The following TEX14 variants were observed in gnomAD, a reference collection of about 807,000 sequenced individuals.
TEX14 encodes testis expressed 14, intercellular bridge forming factor.
TEX14 carries 168 observed loss-of-function variants against 178.6 expected under a neutral mutation model. The ratio of observed to expected loss-of-function variants is 0.94; its 90% confidence interval spans 0.83 to 1.07. TEX14 has a LOEUF of 1.07. Among genes scored for constraint, TEX14 ranks in the 50% least tolerant of loss-of-function variants. The pLI, the probability that TEX14 is intolerant of heterozygous loss-of-function variation, is 0.00. For synonymous variants in TEX14, 626 were observed against 634.1 expected, an observed-to-expected ratio of 0.99 and a Z score of 0.19; for missense variants, 1,730 against 1,753.6, an observed-to-expected ratio of 0.99 and a Z score of 0.24.
At chr17:58,568,178 C>T (rs1450133848) in intron 26 of TEX14, among the ~76,000 whole-genome samples, 1 of 152,148 alleles carries the variant, frequency 6.6e-6, no homozygotes, top group Admixed American at 6.5e-5. Context: ...GAGCCTGACC[C>T]AACAACCCTG....
chr17:58,564,667 T>C (rs1432510069), intron 28 of TEX14, among the ~76,000 whole-genome samples: 1 of 152,220 alleles, frequency 6.6e-6, no homozygotes, highest in Non-Finnish European at 1.5e-5. Flanking sequence ...TTTTGTTATA[T>C]ACATTGTATC....
At position 58,653,126 on chromosome 17, in the gene TEX14, C is replaced by T. The variant is rs572044323; in HGVS notation, c.-1-1124G>A. Among the ~76,000 whole-genome samples the T allele has an allele frequency of 2.3e-4, 35 of 152,132 alleles. 1 individual carries two copies. In the South Asian group the frequency reaches 6.8e-3, roughly 30 times the overall value. ...TAATTTTTTGTATTTTTAGTAGAGACGAGGTTTCACCATGTTGGACAGAAT... is the reference window on the plus strand; with the variant it reads ...TAATTTTTTGTATTTTTAGTAGAGATGAGGTTTCACCATGTTGGACAGAAT... On this transcript the variant is annotated intron_variant, in intron 1 of 31. Coordinates refer to ENST00000349033, the MANE Select transcript of TEX14 (RefSeq NM_031272.5).
chr17:58,557,229 C>T (rs2044154681), intron 31 of TEX14, among the ~76,000 whole-genome samples, 182 bp from the exon 32 acceptor site: 1 of 151,638 alleles, frequency 6.6e-6, no homozygotes, highest in Non-Finnish European at 1.5e-5. Context: ...GACTACAGAG[C>T]AATTGACAGC....
At chr17:58,617,206 G>A (rs529980740) in intron 6 of TEX14, among the ~76,000 whole-genome samples, 15 of 152,102 alleles carry the variant, frequency 9.9e-5, no homozygotes, top group Admixed American at 6.5e-4. Context: ...AGCCAAGATC[G>A]CGCCACTGCA....
intron 3 of TEX14, among the ~76,000 whole-genome samples, chr17:58,625,969 C>G (rs535709787): frequency 8.1e-4 from 122 of 151,490 alleles, no homozygotes; most frequent in African/African-American, 2.7e-3. Context: ...AGGATGGTCT[C>G]GATCTCCTGA....
intron 29 of TEX14, among the ~76,000 whole-genome samples, chr17:58,560,343 T>C (rs571144322): frequency 5.3e-5 from 8 of 152,304 alleles, no homozygotes; most frequent in African/African-American, 1.4e-4. Context: ...TTCCCACTAA[T>C]AGAATCACAG....
chr17:58,585,749 C>T lies in TEX14; in HGVS notation c.3070+52G>A, dbSNP rs1334959962. 9 of 1,592,656 alleles carry T rather than the reference C, an allele frequency of 5.7e-6. No homozygotes were observed. The East Asian group carries it at 6.7e-5, about 12-fold the overall frequency. ...GAATTACAGGCTGAGCCACCTCGCCCGACTGATACTTGATTGAGTTCACCT... is the reference window on the plus strand; with the variant it reads ...GAATTACAGGCTGAGCCACCTCGCCTGACTGATACTTGATTGAGTTCACCT... On this transcript the variant is annotated intron_variant, in intron 18 of 31. Transcript: ENST00000349033.
chr17:58,656,119 G>A (rs757681546), intron 1 of TEX14, among the ~76,000 whole-genome samples: 10 of 151,726 alleles, frequency 6.6e-5, no homozygotes, highest in Admixed American at 6.6e-5. Context: ...TGGGCAACAC[G>A]GCGAAATGCT....
chr17:58,579,643 A>G, intron 20 of TEX14, 22 bp downstream of exon 20: 2 of 1,597,824 alleles, frequency 1.3e-6, no homozygotes, highest in Non-Finnish European at 1.7e-6. Flanking sequence ...TTCTCAAGGA[A>G]TCTTCCCTAA....
chr17:58,619,372 C>T (rs1320575288), intron 5 of TEX14, among the ~76,000 whole-genome samples: 1 of 152,238 alleles, frequency 6.6e-6, no homozygotes, highest in African/African-American at 2.4e-5. Context: ...CTACAGCCAT[C>T]TGTCCTCAAC....
At chr17:58,599,755 TCA>T in intron 13 of TEX14, 89 bp from the exon 14 acceptor site, 1 of 950,980 alleles carries the variant, frequency 1.1e-6, no homozygotes, top group Non-Finnish European at 1.5e-6. Context: ...GCAAAGACTG[TCA>T]AAAAAAAAAA....
At chr17:58,586,839 C>T (rs952193365) in intron 17 of TEX14, among the ~76,000 whole-genome samples, 8 of 151,952 alleles carry the variant, frequency 5.3e-5, no homozygotes, top group Non-Finnish European at 1.0e-4. Context: ...GTCCGGTTTC[C>T]TCCCACATCC....
chr17:58,659,305 T>C (rs544072508), intron 1 of TEX14: 21 of 972,916 alleles, frequency 2.2e-5, no homozygotes, highest in East Asian at 1.1e-4. Context: ...CACAAAGACA[T>C]TATTTACTTA....
At chr17:58,646,339 A>C (rs1380494818) in intron 2 of TEX14, among the ~76,000 whole-genome samples, 2 of 152,206 alleles carry the variant, frequency 1.3e-5, no homozygotes, top group Non-Finnish European at 2.9e-5. Flanking sequence ...CCAATAGCCC[A>C]CAAGGCTCTG....
intron 1 of TEX14, among the ~76,000 whole-genome samples, chr17:58,655,245 G>A (rs187427946): frequency 7.9e-5 from 12 of 151,786 alleles, no homozygotes; most frequent in African/African-American, 2.4e-4. Context: ...GTGCAGGGGC[G>A]CAATCTCAGC....
intron 15 of TEX14, among the ~76,000 whole-genome samples, chr17:58,589,987 G>C (rs1455318117): frequency 6.6e-6 from 1 of 152,142 alleles, no homozygotes; most frequent in East Asian, 1.9e-4. Flanking sequence ...GATTGGCCAG[G>C]CGTGGTGGCT....
At chr17:58,584,379 A>G (rs2044900031) in intron 19 of TEX14, 121 bp downstream of exon 19, 1 of 678,730 alleles carries the variant, frequency 1.5e-6, no homozygotes, top group South Asian at 1.8e-5. Flanking sequence ...ATGAAGGCAC[A>G]TGCTCCAGCC....
chr17:58,559,488 C>A lies in TEX14; in HGVS notation c.4232G>T (p.Arg1411Met). The change falls in exon 30 of 32, where the codon AGG becomes ATG. Residue 1411 changes from arginine (R) to methionine (M), a missense_variant. Physicochemically the swap from Arg to Met is moderately conservative, Grantham distance 91. This residue lies in a region of TEX14 where 941 missense variants were observed against 1,072.4 expected (regional missense o/e 0.88). Transcript: ENST00000349033. ...KREDSITPER[R>M]KSEGVLGTSE... ...AGTCCCTAGAACACCCTCTGATTTC[C>A]TTCTTTCTGGTGTAATGCTATCTTC... is the stretch of plus-strand genomic sequence containing the variant. 1 of 1,557,902 alleles carries A rather than the reference C, an allele frequency of 6.4e-7. No homozygotes were observed. Among genetic ancestry groups the A allele is most frequent in the Non-Finnish European group, 8.8e-7 (1 of 1,130,670 alleles).
chr17:58,591,472 C>T (rs1309209990), intron 15 of TEX14, among the ~76,000 whole-genome samples: 3 of 151,918 alleles, frequency 2.0e-5, no homozygotes, highest in Non-Finnish European at 4.4e-5. Context: ...GAGCCAATAT[C>T]GCGCCATTGC....
Sources: gnomAD v4.1 joint callset for allele counts (sites outside exome capture counted in the v4.1 genomes callset) on GRCh38, gnomAD v4.1.1 for gene constraint, gnomAD v4.1.1 regional missense constraint, MANE v1.5 for transcripts, NCBI Gene and HGNC (gene_info 2026-07-23, HGNC 2026-07-21) for gene names.